Variants in CDH23 observed in about 807,000 individuals in gnomAD.
The protein encoded by CDH23 is cadherin related 23.
A neutral mutation model predicts 317.1 loss-of-function variants in CDH23; 189 were observed. The ratio of observed to expected loss-of-function variants is 0.60; its 90% confidence interval spans 0.53 to 0.67. The LOEUF (loss-of-function observed/expected upper bound fraction) is 0.67, where lower values mean the gene tolerates loss of function less well. Ranked by LOEUF, CDH23 falls within the 30% of genes least tolerant of loss-of-function variation. The probability of loss-of-function intolerance (pLI) is 0.00; values close to 1 mark genes in which losing one functional copy is unlikely to be tolerated. For missense variants in CDH23, 4,401 were observed against 4,592.4 expected, an observed-to-expected ratio of 0.96 and a Z score of 1.20; for synonymous variants, 1,839 against 1,876.8, an observed-to-expected ratio of 0.98 and a Z score of 0.52.
chr10:71,737,779 C>T (rs1379153160), intron 34 of CDH23: 1 of 469,192 alleles, frequency 2.1e-6, no homozygotes, highest in Non-Finnish European at 4.4e-6. Context: ...GGAGGCCTCA[C>T]CCGCGGCAGG....
intron 17 of CDH23, among the ~76,000 whole-genome samples, chr10:71,680,829 C>CTTTTTTTTTTTTTTTTTTTTTTT (rs1312991062): frequency 1.1e-4 from 8 of 70,126 alleles, no homozygotes; most frequent in Non-Finnish European, 1.5e-4. Context: ...TTTTCTTTTT[C>CTTTTTTTTTTTTTTTTTTTTTTT]TTTTTTTTTT....
At chr10:71,464,701 C>T (rs908586321) in intron 3 of CDH23, among the ~76,000 whole-genome samples, 1 of 152,186 alleles carries the variant, frequency 6.6e-6, no homozygotes, top group Admixed American at 6.5e-5. Flanking sequence ...AGCAGGACAG[C>T]AGGCCTCCTG....
chr10:71,519,837 G>T (rs191238771), intron 6 of CDH23, among the ~76,000 whole-genome samples: 14 of 150,084 alleles, frequency 9.3e-5, no homozygotes, highest in Non-Finnish European at 1.3e-4. Flanking sequence ...AGGCTGGAGT[G>T]CAGTGGCATG....
intron 28 of CDH23, chr10:71,713,028 G>T (rs758778076): frequency 9.5e-6 from 7 of 735,278 alleles, no homozygotes; most frequent in Non-Finnish European, 1.7e-5. Context: ...TGAGGATAGG[G>T]CTCTGGCTCC....
chr10:71,705,070 G>T lies in CDH23; in HGVS notation c.2893G>T (p.Val965Leu), dbSNP rs1865730510. The T allele has an allele frequency of 6.2e-7, 1 of 1,612,420 alleles. No homozygotes were observed. Among genetic ancestry groups the T allele is most frequent in the African/African-American group, 1.3e-5 (1 of 74,926 alleles). ...GCGCATCGCGGAGTACCAGCTGCGG[G>T]TGGTGGCCAGTGATGCAGGCACGCC... The part of the protein sequence containing the change: ...RERIAEYQLR[V>L]VASDAGTPTK... The change falls in exon 25 of 70, where the codon GTG becomes TTG. Residue 965 changes from valine to leucine, a missense_variant. Physicochemically the swap from Val to Leu is conservative, Grantham distance 32 (BLOSUM62 1). This residue lies in a region of CDH23 where 3,068 missense variants were observed against 3,203.3 expected (regional missense o/e 0.96). Transcript: ENST00000224721.
In CDH23 at chr10:71,615,656, A is replaced by T. The variant is rs981563534; in HGVS notation, c.945+40A>T. ...GGCACCTTCACCCCAGGTAGAGGAGATGCCCCTACTCGGATGCCAACCTCC... is the reference window on the plus strand; with the variant it reads ...GGCACCTTCACCCCAGGTAGAGGAGTTGCCCCTACTCGGATGCCAACCTCC... On this transcript the variant is annotated intron_variant, in intron 10 of 69. Transcript: ENST00000224721. 8 of 1,422,906 alleles carry T rather than the reference A, an allele frequency of 5.6e-6. No homozygotes were observed. In the African/African-American group the frequency reaches 9.8e-5, roughly 17 times the overall value. The allele number at this position is 1,422,906 out of a possible 1,614,324, so 88.1% of individuals were successfully genotyped here.
chr10:71,609,989 T>TGAGA (rs1156307060), intron 9 of CDH23, among the ~76,000 whole-genome samples: 1,608 of 130,586 alleles, frequency 0.012, 12 homozygotes, highest in Non-Finnish European at 0.017. Context: ...TGTGTGTGTG[T>TGAGA]GTGTGTGAGA....
intron 20 of CDH23, among the ~76,000 whole-genome samples, chr10:71,693,192 G>A (rs1564736827): frequency 6.6e-6 from 1 of 152,184 alleles, no homozygotes. Context: ...GCACTCAATT[G>A]TGAACTCCAT....
At chr10:71,635,695 AG>A (rs1288803400) in intron 11 of CDH23, among the ~76,000 whole-genome samples, 4 of 151,736 alleles carry the variant, frequency 2.6e-5, no homozygotes, top group African/African-American at 9.7e-5. Context: ...GAGGGCAAGA[AG>A]GGGGGAGGAA....
Position 71,694,205 on chromosome 10 carries a change from C to A in CDH23, c.2235C>A (p.Ile745=). 6.2e-7 allele frequency: 1 copy of A among 1,613,796 alleles called. No individual in the cohort carries two copies. Among genetic ancestry groups the A allele is most frequent in the African/African-American group, 1.3e-5 (1 of 75,004 alleles). The part of the protein sequence containing the change: ...DRETKSEYIL[I]VRAVDGGVGH... ...AGACCAAGTCTGAATACATCCTCAT[C>A]GTTCGCGCAGTGGACGGGGGTGTGG... Residue 745 remains isoleucine (I), a synonymous_variant, in exon 21 of 70, where the codon ATC becomes ATA. Transcript: ENST00000224721.
chr10:71,671,646 GCTGC>G (rs1467738515), intron 14 of CDH23, among the ~76,000 whole-genome samples: 2 of 18,326 alleles, frequency 1.1e-4, no homozygotes, highest in Non-Finnish European at 3.8e-4. Flanking sequence ...CGCTGCCCCT[GCTGC>G]CTGGATAGGG....
chr10:71,585,596 T>G (rs761223268), intron 9 of CDH23, among the ~76,000 whole-genome samples: 1 of 152,214 alleles, frequency 6.6e-6, no homozygotes, highest in Non-Finnish European at 1.5e-5. Flanking sequence ...GCCTGTTATT[T>G]GCAGTTCTCT....
At chr10:71,506,764 T>A (rs578221895) in intron 3 of CDH23, among the ~76,000 whole-genome samples, 1 of 152,320 alleles carries the variant, frequency 6.6e-6, no homozygotes, top group African/African-American at 2.4e-5. Context: ...TTAAATATAA[T>A]ATTAAATCGG....
chr10:71,517,279 A>C (rs1437985423), intron 6 of CDH23, among the ~76,000 whole-genome samples: 1 of 152,086 alleles, frequency 6.6e-6, no homozygotes, highest in African/African-American at 2.4e-5. Context: ...TGTGCCTTGC[A>C]CTCCACTTTC....
chr10:71,790,070 GTT>G (rs1379072813), intron 45 of CDH23, among the ~76,000 whole-genome samples: 1 of 152,194 alleles, frequency 6.6e-6, no homozygotes, highest in Non-Finnish European at 1.5e-5. Flanking sequence ...CCACTCTCAT[GTT>G]TTCTCCCCAG....
intron 13 of CDH23, 143 bp downstream of exon 13, chr10:71,646,123 A>G (rs1862842701): frequency 2.7e-6 from 3 of 1,127,064 alleles, no homozygotes; most frequent in African/African-American, 3.1e-5. Context: ...TAAGCCCTCC[A>G]AGAGACGGCA....
chr10:71,789,036 C>T lies in CDH23; in HGVS notation c.5917C>T (p.Pro1973Ser). The T allele has an allele frequency of 6.5e-7, 1 of 1,545,472 alleles. No homozygotes were observed. Among genetic ancestry groups the T allele is most frequent in the East Asian group, 2.2e-5 (1 of 44,538 alleles). The change falls in exon 45 of 70, where the codon CCC (proline) becomes TCC (serine). Residue 1973 changes from proline to serine, a missense_variant. This residue lies in a region of CDH23 where 3,068 missense variants were observed against 3,203.3 expected (regional missense o/e 0.96). Transcript: ENST00000224721. Reference protein sequence around the residue: ...TYQAEVMENSPAGTPLTVLNG... With the variant: ...TYQAEVMENSSAGTPLTVLNG... ...CCAGGCAGAGGTGATGGAAAACTCT[C>T]CCGCTGGTAGGTGCTGGGCCCACCC...
In CDH23 at chr10:71,455,344, T is replaced by C. The variant is rs540154351; in HGVS notation, c.145+8949T>C. Among the ~76,000 whole-genome samples, 13 of 151,834 alleles carry C rather than the reference T, an allele frequency of 8.6e-5. No individual in the cohort carries two copies. The South Asian group carries it at 2.7e-3, about 32-fold the overall frequency. ...GAGTTTATGCAAATTTTATCAACTT[T>C]CCCACTAATGTTTTTTTTTTCTGCA... On this transcript the variant is annotated intron_variant, in intron 3 of 69. Coordinates refer to ENST00000224721, the MANE Select transcript of CDH23 (RefSeq NM_022124.6).
At chr10:71,429,468 A>G (rs1337066106) in intron 1 of CDH23, among the ~76,000 whole-genome samples, 2 of 152,176 alleles carry the variant, frequency 1.3e-5, no homozygotes, top group Non-Finnish European at 2.9e-5. Flanking sequence ...GAGACCCCGC[A>G]TGGGTGTGGA....
Sources: allele counts gnomAD v4.1 joint callset (sites outside exome capture counted in the v4.1 genomes callset), GRCh38; gene constraint gnomAD v4.1.1; regional missense constraint gnomAD v4.1.1; transcripts MANE v1.5; gene names NCBI Gene and HGNC (gene_info 2026-07-23, HGNC 2026-07-21).